Variants in TTC27 observed in about 807,000 individuals in gnomAD.
TTC27 encodes tetratricopeptide repeat domain 27.
Under a neutral mutation model 115.9 loss-of-function variants are expected in TTC27, and 79 were observed. That is an observed-to-expected ratio of 0.68 (90% CI 0.57 to 0.82). The LOEUF (loss-of-function observed/expected upper bound fraction) is 0.82, where lower values mean the gene tolerates loss of function less well. Ranked by LOEUF, TTC27 falls within the 40% of genes least tolerant of loss-of-function variation. TTC27 has a pLI of 0.00. For missense variants in TTC27, 1,054 were observed against 993.1 expected (o/e 1.06, Z -0.82); for synonymous variants, 401 against 356.0 (o/e 1.13, Z -1.42).
At chr2:32,755,003 G>A (rs929055928) in intron 12 of TTC27, among the ~76,000 whole-genome samples, 10 of 150,626 alleles carry the variant, frequency 6.6e-5, no homozygotes, top group Admixed American at 1.3e-4. Flanking sequence ...CGGGCAGAGG[G>A]GCTCCTCACT....
intron 16 of TTC27, among the ~76,000 whole-genome samples, chr2:32,809,107 TA>T (rs1346875569): frequency 6.6e-6 from 1 of 152,182 alleles, no homozygotes; most frequent in Admixed American, 6.5e-5. Flanking sequence ...TGACTGTATA[TA>T]ATTAAGACCA....
At chr2:32,815,991 C>G (rs1325221210) in intron 18 of TTC27, among the ~76,000 whole-genome samples, 1 of 152,148 alleles carries the variant, frequency 6.6e-6, no homozygotes, top group East Asian at 1.9e-4. Flanking sequence ...GCACAGGCAG[C>G]CTCTACCGAT....
At chr2:32,685,551 G>T (rs1559205415) in intron 9 of TTC27, among the ~76,000 whole-genome samples, 1 of 152,140 alleles carries the variant, frequency 6.6e-6, no homozygotes. Flanking sequence ...TGACCAAATA[G>T]TGTTTATCCC....
At chr2:32,812,689 A>C in intron 18 of TTC27, 74 bp downstream of exon 18, 1 of 1,102,810 alleles carries the variant, frequency 9.1e-7, no homozygotes, top group Non-Finnish European at 1.4e-6. Flanking sequence ...GTGTTGGTCA[A>C]AAGTAAAGTT....
chr2:32,631,966 C>A (rs1207565265), intron 2 of TTC27, among the ~76,000 whole-genome samples: 8 of 151,616 alleles, frequency 5.3e-5, no homozygotes, highest in Non-Finnish European at 1.2e-4. Flanking sequence ...CTGTGCCACA[C>A]CTGGCTCATT....
chr2:32,628,184 G>C lies in TTC27; in HGVS notation c.-109G>C. 1.0e-6 allele frequency: 1 copy of C among 997,186 alleles called. No homozygotes were observed. The highest frequency in any genetic ancestry group is 1.5e-6 in the Non-Finnish European group (1 of 655,172). The allele number at this position is 997,186 out of a possible 1,614,324, so 61.8% of individuals were successfully genotyped here. On this transcript the variant is annotated 5_prime_UTR_variant, in exon 1 of 20. Transcript: ENST00000317907. Reference sequence around the variant, plus strand: ...GGCCGCAGGTGTATTTACGGTAACTGTCGCCACTAGATTTCAGCGCCTTTG... The same window carrying C: ...GGCCGCAGGTGTATTTACGGTAACTCTCGCCACTAGATTTCAGCGCCTTTG...
intron 2 of TTC27, among the ~76,000 whole-genome samples, chr2:32,630,979 A>T (rs1298166028): frequency 2.0e-5 from 3 of 152,184 alleles, no homozygotes; most frequent in African/African-American, 7.2e-5. Context: ...CCCACCGGCA[A>T]AACTTCAGAC....
At chr2:32,632,353 A>G (rs149021307) in intron 2 of TTC27, among the ~76,000 whole-genome samples, 226 of 152,216 alleles carry the variant, frequency 1.5e-3, no homozygotes, top group Non-Finnish European at 2.6e-3. Context: ...CATAGCAACT[A>G]GCCTTGTGGC....
At chr2:32,657,249 G>A (rs560283259) in intron 5 of TTC27, among the ~76,000 whole-genome samples, 2 of 151,864 alleles carry the variant, frequency 1.3e-5, no homozygotes, top group African/African-American at 2.4e-5. Context: ...TGAAGTTCAC[G>A]TTAGGATGCC....
At chr2:32,762,276 AGTGTGTG>A (rs952163156) in intron 13 of TTC27, among the ~76,000 whole-genome samples, 1 of 136,236 alleles carries the variant, frequency 7.3e-6, no homozygotes, top group Admixed American at 7.4e-5. Flanking sequence ...CACAGAGAGA[AGTGTGTG>A]TGTGTGTGTG....
At chr2:32,717,128 C>A (rs576243211) in intron 10 of TTC27, among the ~76,000 whole-genome samples, 28 of 151,998 alleles carry the variant, frequency 1.8e-4, no homozygotes, top group African/African-American at 6.5e-4. Flanking sequence ...TTCAGCCCCC[C>A]ACGCCCAACT....
At chr2:32,740,065 A>G (rs181903994) in intron 12 of TTC27, among the ~76,000 whole-genome samples, 2 of 152,374 alleles carry the variant, frequency 1.3e-5, no homozygotes, top group East Asian at 1.9e-4. Context: ...AATAGCTAAG[A>G]TTAATTTTGC....
chr2:32,692,043 T>G (rs1006745207), intron 9 of TTC27, among the ~76,000 whole-genome samples: 1 of 116,386 alleles, frequency 8.6e-6, no homozygotes, highest in African/African-American at 3.2e-5. Flanking sequence ...TAGGTTTTTT[T>G]TTTTTTTTTT....
At chr2:32,766,308 C>T (rs1210288963) in intron 13 of TTC27, among the ~76,000 whole-genome samples, 1 of 152,152 alleles carries the variant, frequency 6.6e-6, no homozygotes, top group Non-Finnish European at 1.5e-5. Flanking sequence ...TTGGTAAGGA[C>T]ATTCAGAGGC....
At chr2:32,800,172 C>A (rs1489477694) in intron 16 of TTC27, among the ~76,000 whole-genome samples, 1 of 152,198 alleles carries the variant, frequency 6.6e-6, no homozygotes, top group Non-Finnish European at 1.5e-5. Flanking sequence ...CTGGCAGATA[C>A]ATACAAGTGC....
chr2:32,759,595 T>A (rs925194009), intron 13 of TTC27, among the ~76,000 whole-genome samples: 4 of 152,092 alleles, frequency 2.6e-5, no homozygotes, highest in African/African-American at 9.6e-5. Context: ...CTGAAAAAAA[T>A]AAATAAATAA....
rs1488851569 is a variant in TTC27 at position 32,744,362 on chromosome 2, TA to T, written c.1452+7548del. 2.0e-5 allele frequency among the ~76,000 whole-genome samples: 3 copies of T among 152,248 alleles called. No homozygotes were observed. In the East Asian group the frequency reaches 5.8e-4, roughly 29 times the overall value. ...TTTAGTTTTGATCTTCTACTATTAG[TA>T]ATTTTTTTCTCTTTGACCTCACTTT... On this transcript the variant is annotated intron_variant, in intron 12 of 19. Transcript: ENST00000317907.
At chr2:32,676,477 GTTTTC>G (rs1461192755) in intron 8 of TTC27, among the ~76,000 whole-genome samples, 2 of 139,136 alleles carry the variant, frequency 1.4e-5, no homozygotes, top group Non-Finnish European at 1.5e-5. Context: ...ATAAGACAGT[GTTTTC>G]TTTTCATTCT....
At chr2:32,787,725 CA>C (rs758621703) in intron 16 of TTC27, among the ~76,000 whole-genome samples, 6 of 152,062 alleles carry the variant, frequency 3.9e-5, no homozygotes, top group African/African-American at 9.7e-5. Context: ...TAGTTGAAGA[CA>C]ATATGCTGTC....
Sources: allele counts gnomAD v4.1 joint callset (sites outside exome capture counted in the v4.1 genomes callset), GRCh38; gene constraint gnomAD v4.1.1; transcripts MANE v1.5; gene names NCBI Gene and HGNC (gene_info 2026-07-23, HGNC 2026-07-21).